The following HELZ variants were observed in gnomAD, a reference collection of about 807,000 sequenced individuals.
The protein encoded by HELZ is helicase with zinc finger.
A neutral mutation model predicts 218.2 loss-of-function variants in HELZ; 23 were observed. That is an observed-to-expected ratio of 0.11 (90% CI 0.08 to 0.15). The LOEUF (loss-of-function observed/expected upper bound fraction) is 0.15, where lower values mean the gene tolerates loss of function less well. HELZ is among the 10% of genes least tolerant of loss of function. The pLI is 1.00. For missense variants in HELZ, 1,813 were observed against 2,353.7 expected, an observed-to-expected ratio of 0.77 and a Z score of 4.75; for synonymous variants, 814 against 829.4, an observed-to-expected ratio of 0.98 and a Z score of 0.32.
chr17:67,158,572 A>AG (rs1280851564), intron 17 of HELZ, among the ~76,000 whole-genome samples: 1 of 152,228 alleles, frequency 6.6e-6, no homozygotes, highest in African/African-American at 2.4e-5. Flanking sequence ...ATATTTGGGA[A>AG]GTCAGGCTTT....
intron 31 of HELZ, among the ~76,000 whole-genome samples, chr17:67,090,710 A>C (rs1598194336): frequency 6.6e-6 from 1 of 152,058 alleles, no homozygotes; most frequent in Non-Finnish European, 1.5e-5. Flanking sequence ...TTCAATGTCT[A>C]CTGGGTCTGT....
rs763690660 is a variant in HELZ, at chr17:67,178,769, C to G, written c.1320G>C (p.Gln440His). 1 of 1,613,896 alleles carries G rather than the reference C, an allele frequency of 6.2e-7. No individual in the cohort carries two copies. The highest frequency in any genetic ancestry group is 1.1e-5 in the South Asian group (1 of 91,066). Reference protein sequence around the residue: ...IRYQIPLSADQLFTQSVLDKS... With the variant: ...IRYQIPLSADHLFTQSVLDKS... ...TGTCTAAAACGGACTGAGTAAATAG[C>G]TGGTCAGCAGAGAGGGGAATTTGGT... The change falls in exon 13 of 33, where the codon CAG (glutamine) becomes CAC (histidine). Residue 440 changes from glutamine (Q) to histidine (H), a missense_variant. Physicochemically the swap from Gln to His is conservative, Grantham distance 24. Transcript: ENST00000358691.
intron 15 of HELZ, among the ~76,000 whole-genome samples, chr17:67,162,605 C>A (rs1442859121): frequency 1.3e-5 from 2 of 152,130 alleles, no homozygotes; most frequent in African/African-American, 4.8e-5. Flanking sequence ...TTGAGCCTAG[C>A]CAGCTCTAAT....
intron 17 of HELZ, among the ~76,000 whole-genome samples, chr17:67,160,059 T>C (rs1250448367): frequency 2.6e-5 from 4 of 152,172 alleles, no homozygotes; most frequent in Non-Finnish European, 5.9e-5. Context: ...GATGTCTTTC[T>C]CTTACTTAAT....
intron 6 of HELZ, among the ~76,000 whole-genome samples, chr17:67,203,099 C>A (rs2040208418): frequency 6.6e-6 from 1 of 151,018 alleles, no homozygotes; most frequent in African/African-American, 2.4e-5. Context: ...TCAGCCTAGA[C>A]AACAGACTGA....
chr17:67,222,149 G>C (rs967977108), intron 3 of HELZ, among the ~76,000 whole-genome samples: 2 of 152,072 alleles, frequency 1.3e-5, no homozygotes, highest in African/African-American at 4.8e-5. Context: ...CCTACATAAA[G>C]CTGAAATCAC....
intron 8 of HELZ, among the ~76,000 whole-genome samples, chr17:67,194,947 A>G (rs1215930918): frequency 2.0e-5 from 3 of 152,212 alleles, no homozygotes; most frequent in African/African-American, 7.2e-5. Context: ...GTGAAAGCCA[A>G]TGCCCATAGT....
In HELZ at chr17:67,125,718, G is replaced by T. The variant is rs1028969724; in HGVS notation, c.3388-1704C>A. ...TCCCTGGATCCTGTGAATATGTTAT[G>T]TGGCAAAAGGGACTCTGTGAATATT... is the stretch of plus-strand genomic sequence containing the variant. On this transcript the variant is annotated intron_variant, in intron 24 of 32. Coordinates refer to ENST00000358691, the MANE Select transcript of HELZ (RefSeq NM_014877.4). Among the ~76,000 whole-genome samples the T allele has an allele frequency of 2.0e-5, 3 of 152,186 alleles. No individual in the cohort carries two copies. In the South Asian group the frequency reaches 6.2e-4, roughly 32 times the overall value.
chr17:67,126,370 CG>C (rs1311604668), intron 24 of HELZ, among the ~76,000 whole-genome samples: 1 of 151,996 alleles, frequency 6.6e-6, no homozygotes, highest in Non-Finnish European at 1.5e-5. Context: ...AAAGCAAATT[CG>C]GGCCTATGGA....
chr17:67,078,157 G>A lies in HELZ; in HGVS notation c.*95C>T. 1 of 781,594 alleles carries A rather than the reference G, an allele frequency of 1.3e-6. No homozygotes were observed. The highest frequency in any genetic ancestry group is 2.7e-5 in the East Asian group (1 of 37,002). The allele number at this position is 781,594 out of a possible 1,614,324, so 48.4% of individuals were successfully genotyped here. On this transcript the variant is annotated 3_prime_UTR_variant, in exon 33 of 33. Coordinates refer to ENST00000358691, the MANE Select transcript of HELZ (RefSeq NM_014877.4). ...AGAACATATTTAATATTAAAACAAA[G>A]GGAACTGTGCATCTATAGATGAAGT...
intron 3 of HELZ, among the ~76,000 whole-genome samples, chr17:67,222,422 G>A (rs2040771144): frequency 1.3e-5 from 2 of 152,106 alleles, no homozygotes; most frequent in South Asian, 2.1e-4. Context: ...GGGAGAGCTC[G>A]GTAACATTAA....
intron 6 of HELZ, among the ~76,000 whole-genome samples, chr17:67,201,575 C>T (rs377694342): frequency 2.1e-4 from 32 of 152,236 alleles, no homozygotes; most frequent in African/African-American, 7.7e-4. Context: ...ATGGTGAACC[C>T]AGCCATGATT....
chr17:67,148,378 T>A (rs1598321632), intron 20 of HELZ, among the ~76,000 whole-genome samples, 191 bp downstream of exon 20: 1 of 152,302 alleles, frequency 6.6e-6, no homozygotes. Flanking sequence ...ATAGCCCTAT[T>A]CTGTGAAAAA....
rs2039819837 is a variant in HELZ at position 67,188,653 on chromosome 17, G to C, written c.865-37C>G. 1.9e-6 allele frequency: 3 copies of C among 1,546,038 alleles called. No individual in the cohort carries two copies. The highest frequency in any genetic ancestry group is 2.4e-5 in the South Asian group (2 of 83,692). On this transcript the variant is annotated intron_variant, in intron 11 of 32. Coordinates refer to ENST00000358691, the MANE Select transcript of HELZ (RefSeq NM_014877.4). This position sits in a 1 kb window ranked among gnomAD's most constrained non-coding sequence, Gnocchi z 4.1. ...TTAAAATAATTCATTGAGTACAAGG[G>C]GGTGAAAAATCCAATTGTAATTGGG... is the stretch of plus-strand genomic sequence containing the variant.
At chr17:67,158,596 C>T (rs994063323) in intron 17 of HELZ, among the ~76,000 whole-genome samples, 1 of 152,092 alleles carries the variant, frequency 6.6e-6, no homozygotes, top group African/African-American at 2.4e-5. Flanking sequence ...TTACTTTATT[C>T]CATTTACTAA....
chr17:67,094,331 A>G (rs923435251), intron 31 of HELZ, among the ~76,000 whole-genome samples: 2 of 141,844 alleles, frequency 1.4e-5, no homozygotes, highest in African/African-American at 3.1e-5. Flanking sequence ...TGAAAAAAAA[A>G]AAAGAGAGAG....
chr17:67,169,719 T>C (rs1598360515), intron 13 of HELZ, among the ~76,000 whole-genome samples: 1 of 152,304 alleles, frequency 6.6e-6, no homozygotes, highest in Non-Finnish European at 1.5e-5. Flanking sequence ...TTTAACTCTT[T>C]CCAGGATCAA....
At chr17:67,148,485 G>A in intron 20 of HELZ, 84 bp downstream of exon 20, 1 of 1,140,758 alleles carries the variant, frequency 8.8e-7, no homozygotes, top group East Asian at 2.4e-5. Flanking sequence ...GGAATCATCT[G>A]TCCCTAGCAG....
chr17:67,213,613 T>G (rs1297572100), intron 5 of HELZ, among the ~76,000 whole-genome samples: 1 of 151,902 alleles, frequency 6.6e-6, no homozygotes, highest in Non-Finnish European at 1.5e-5. Context: ...AGAGCGAGAC[T>G]CCATCTCAAA....
Sources: gnomAD v4.1 joint callset for allele counts (sites outside exome capture counted in the v4.1 genomes callset) on GRCh38, gnomAD v4.1.1 for gene constraint, Gnocchi (gnomAD v3.1) non-coding constraint, MANE v1.5 for transcripts, NCBI Gene and HGNC (gene_info 2026-07-23, HGNC 2026-07-21) for gene names.